Variants in KALRN observed in about 807,000 individuals in gnomAD.
KALRN encodes kalirin.
A neutral mutation model predicts 353.7 loss-of-function variants in KALRN; 70 were observed. The ratio of observed to expected loss-of-function variants is 0.20; its 90% CI spans 0.16 to 0.24. The LOEUF (loss-of-function observed/expected upper bound fraction) is 0.24, where lower values mean the gene tolerates loss of function less well. KALRN is among the 10% of genes least tolerant of loss of function. The pLI is 1.00. For missense variants in KALRN, 2,791 were observed against 3,756.7 expected, an observed-to-expected ratio of 0.74 and a Z score of 6.72; for synonymous variants, 1,391 against 1,434.8, an observed-to-expected ratio of 0.97 and a Z score of 0.69.
chr3:124,247,925 T>C (rs545585933), intron 3 of KALRN, among the ~76,000 whole-genome samples: 2 of 152,342 alleles, frequency 1.3e-5, no homozygotes, highest in African/African-American at 4.8e-5. Context: ...CCCCATCTCA[T>C]GTTTTCTTAG....
intron 1 of KALRN, among the ~76,000 whole-genome samples, chr3:124,065,872 A>C (rs988612187): frequency 7.2e-5 from 11 of 152,250 alleles, no homozygotes; most frequent in Non-Finnish European, 1.5e-4. Flanking sequence ...AAAAGAAACC[A>C]TCTCAGGAAG....
At chr3:124,718,525 G>C (rs754624460) in intron 59 of KALRN, among the ~76,000 whole-genome samples, 1 of 152,192 alleles carries the variant, frequency 6.6e-6, no homozygotes, top group African/African-American at 2.4e-5. Context: ...TCTGGTGTGA[G>C]AGAAGGTAGG....
chr3:124,215,958 G>T (rs576512564), intron 1 of KALRN, among the ~76,000 whole-genome samples: 2 of 152,286 alleles, frequency 1.3e-5, no homozygotes, highest in Admixed American at 6.5e-5. Flanking sequence ...ATGAATCGAG[G>T]AAGGGCCTGG....
intron 34 of KALRN, among the ~76,000 whole-genome samples, chr3:124,609,716 T>C (rs972778808): frequency 2.0e-5 from 3 of 152,250 alleles, no homozygotes; most frequent in African/African-American, 7.2e-5. Flanking sequence ...GCCATTGCTG[T>C]ATTACAACAC....
chr3:124,644,069 A>C (rs1226678109), intron 37 of KALRN, among the ~76,000 whole-genome samples: 1 of 152,166 alleles, frequency 6.6e-6, no homozygotes, highest in Non-Finnish European at 1.5e-5. Context: ...AGGTCTCTAG[A>C]CCTGTTCATG....
At chr3:124,327,355 C>T (rs2080024739) in intron 7 of KALRN, among the ~76,000 whole-genome samples, 1 of 152,146 alleles carries the variant, frequency 6.6e-6, no homozygotes. Flanking sequence ...GTGCTTTTCA[C>T]CTTTGTCTCA....
At chr3:124,517,078 A>G (rs1267942993) in intron 33 of KALRN, among the ~76,000 whole-genome samples, 2 of 152,046 alleles carry the variant, frequency 1.3e-5, no homozygotes. Flanking sequence ...AGCCTCCCAA[A>G]GTTCTAGGAT....
intron 34 of KALRN, among the ~76,000 whole-genome samples, chr3:124,586,184 T>G (rs944941753): frequency 6.6e-6 from 1 of 152,054 alleles, no homozygotes; most frequent in Non-Finnish European, 1.5e-5. Flanking sequence ...ACCCTCTAAG[T>G]CTGATTCAGA....
At chr3:124,096,861 G>A (rs1312664152) in intron 1 of KALRN, among the ~76,000 whole-genome samples, 4 of 152,218 alleles carry the variant, frequency 2.6e-5, no homozygotes, top group Non-Finnish European at 4.4e-5. Flanking sequence ...ATGAATTTAT[G>A]GGTTGATAGA....
At chr3:124,276,795 C>CTG (rs1181976397) in intron 5 of KALRN, among the ~76,000 whole-genome samples, 2 of 152,212 alleles carry the variant, frequency 1.3e-5, no homozygotes, top group Non-Finnish European at 2.9e-5. Flanking sequence ...CTCCCATGTA[C>CTG]TGTGTGTGGT....
At chr3:124,308,101 T>G (rs981425423) in intron 6 of KALRN, among the ~76,000 whole-genome samples, 3 of 151,950 alleles carry the variant, frequency 2.0e-5, no homozygotes, top group Non-Finnish European at 4.4e-5. Flanking sequence ...AAGAAGAATG[T>G]CACTCTATCA....
intron 33 of KALRN, among the ~76,000 whole-genome samples, chr3:124,548,259 A>G (rs932575309): frequency 5.3e-5 from 8 of 152,222 alleles, no homozygotes; most frequent in African/African-American, 1.9e-4. Flanking sequence ...CTCTGAAACT[A>G]TCTGGCTGCT....
intron 58 of KALRN, among the ~76,000 whole-genome samples, chr3:124,713,639 C>T (rs544868406): frequency 6.6e-5 from 10 of 152,160 alleles, no homozygotes; most frequent in African/African-American, 2.2e-4. Context: ...CAACCATATA[C>T]GTGACCCCTA....
At chr3:124,667,420 C>T (rs774185564) in intron 47 of KALRN, among the ~76,000 whole-genome samples, 19 of 152,204 alleles carry the variant, frequency 1.2e-4, no homozygotes, top group Non-Finnish European at 2.1e-4. Context: ...ACTTATAGGA[C>T]ACAGGATATA....
intron 33 of KALRN, among the ~76,000 whole-genome samples, chr3:124,498,935 C>T (rs1168294339): frequency 6.6e-6 from 1 of 151,402 alleles, no homozygotes; most frequent in Non-Finnish European, 1.5e-5. Context: ...GTCAGATGAA[C>T]AGTCTCTGAA....
At chr3:124,317,234 G>A (rs2078897842) in intron 6 of KALRN, among the ~76,000 whole-genome samples, 1 of 152,222 alleles carries the variant, frequency 6.6e-6, no homozygotes, top group Non-Finnish European at 1.5e-5. Context: ...CCTCAAGGGA[G>A]AGGGAAGTGC....
intron 10 of KALRN, among the ~76,000 whole-genome samples, chr3:124,353,717 A>T (rs1034445083): frequency 1.3e-5 from 2 of 151,992 alleles, no homozygotes; most frequent in Non-Finnish European, 2.9e-5. Context: ...GCTTTTTCAC[A>T]CTCTAGCTTC....
At chr3:124,159,356 G>C (rs1443159848) in intron 1 of KALRN, among the ~76,000 whole-genome samples, 1 of 152,088 alleles carries the variant, frequency 6.6e-6, no homozygotes, top group Non-Finnish European at 1.5e-5. Flanking sequence ...CCACAGCTTT[G>C]AGCTTCTGGG....
At chr3:124,571,214 T>A (rs928424813) in intron 34 of KALRN, among the ~76,000 whole-genome samples, 1 of 152,256 alleles carries the variant, frequency 6.6e-6, no homozygotes, top group African/African-American at 2.4e-5. Context: ...CCTAGCAATT[T>A]CTCCATAAAT....
Sources: gnomAD v4.1 joint callset for allele counts (sites outside exome capture counted in the v4.1 genomes callset) on GRCh38, gnomAD v4.1.1 for gene constraint, MANE v1.5 for transcripts, NCBI Gene and HGNC (gene_info 2026-07-23, HGNC 2026-07-21) for gene names.